The following SYT17 variants were observed in gnomAD, a reference collection of about 807,000 sequenced individuals.
SYT17 encodes the protein synaptotagmin 17, also known as synaptotagmin-17.
Under a neutral mutation model 46.7 loss-of-function variants are expected in SYT17, and 22 were observed. The ratio of observed to expected loss-of-function variants is 0.47; its 90% confidence interval spans 0.34 to 0.67. SYT17 has a LOEUF of 0.67. Ranked by LOEUF, SYT17 falls within the 30% of genes least tolerant of loss-of-function variation. The probability of loss-of-function intolerance (pLI) is 0.01; values close to 1 mark genes in which losing one functional copy is unlikely to be tolerated. For missense variants in SYT17, 519 were observed against 612.8 expected, an observed-to-expected ratio of 0.85 and a Z score of 1.62; for synonymous variants, 251 against 248.4, an observed-to-expected ratio of 1.01 and a Z score of -0.10.
chr16:19,243,585 C>T (rs997371817), intron 7 of SYT17, among the ~76,000 whole-genome samples: 8 of 151,852 alleles, frequency 5.3e-5, no homozygotes, highest in Admixed American at 4.6e-4. Context: ...CTGAGGCTGG[C>T]GGATCACCTG....
chr16:19,215,811 G>C (rs926209467), intron 5 of SYT17, among the ~76,000 whole-genome samples: 3 of 152,212 alleles, frequency 2.0e-5, no homozygotes, highest in Admixed American at 2.0e-4. Context: ...ATTTACAAAA[G>C]AAGGAGTTTT....
intron 7 of SYT17, among the ~76,000 whole-genome samples, chr16:19,235,417 T>C (rs1334607976): frequency 6.6e-6 from 1 of 152,128 alleles, no homozygotes; most frequent in Admixed American, 6.5e-5. Context: ...GAAGGCAGGA[T>C]AGAACTTGTA....
chr16:19,254,441 T>A (rs1368888455), intron 7 of SYT17, among the ~76,000 whole-genome samples: 1 of 152,050 alleles, frequency 6.6e-6, no homozygotes, highest in East Asian at 1.9e-4. Context: ...CCCAAACCAA[T>A]CAACAGAATC....
chr16:19,254,170 G>C (rs1449200490), intron 7 of SYT17, among the ~76,000 whole-genome samples: 3 of 152,128 alleles, frequency 2.0e-5, no homozygotes, highest in Non-Finnish European at 4.4e-5. Context: ...TTCTTTCTGG[G>C]ACCTGCCTGC....
At chr16:19,173,691 G>A in intron 3 of SYT17, 113 bp downstream of exon 3, 1 of 1,218,364 alleles carries the variant, frequency 8.2e-7, no homozygotes, top group Non-Finnish European at 1.1e-6. Flanking sequence ...GGGCATGAAA[G>A]AGAAGCAGGC....
chr16:19,173,292 C>T (rs1289730635), intron 2 of SYT17, 138 bp from the exon 3 acceptor site: 7 of 611,358 alleles, frequency 1.1e-5, no homozygotes, highest in Non-Finnish European at 2.8e-6. Flanking sequence ...AGCAGCAGAG[C>T]CAGAACTCCT....
At chr16:19,231,932 A>G (rs1428091830) in intron 7 of SYT17, among the ~76,000 whole-genome samples, 3 of 152,338 alleles carry the variant, frequency 2.0e-5, no homozygotes, top group African/African-American at 7.2e-5. Context: ...GGAGAGATGC[A>G]GGGCACATTT....
rs185912858 is a variant in SYT17, at chr16:19,201,018, G to T, written c.951+16871G>T. On this transcript the variant is annotated intron_variant, in intron 5 of 7. Coordinates refer to ENST00000355377, the MANE Select transcript of SYT17 (RefSeq NM_016524.4). ...CAGCTCCGACTCCCCACCACCCAGG[G>T]CTCTCTCAATGGTCCCTCAGTGTTC... Among the ~76,000 whole-genome samples, 290 of 152,266 alleles carry T rather than the reference G, an allele frequency of 1.9e-3. 2 individuals carry two copies. Among genetic ancestry groups the T allele is most frequent in the African/African-American group, 6.6e-3 (276 of 41,542 alleles).
At chr16:19,224,141 T>C (rs921457087) in intron 6 of SYT17, among the ~76,000 whole-genome samples, 4 of 152,198 alleles carry the variant, frequency 2.6e-5, no homozygotes, top group African/African-American at 9.7e-5. Flanking sequence ...TTCACCTGTA[T>C]ATGGGCTATG....
intron 5 of SYT17, among the ~76,000 whole-genome samples, chr16:19,191,141 A>C (rs1056525104): frequency 6.6e-6 from 1 of 152,044 alleles, no homozygotes; most frequent in Non-Finnish European, 1.5e-5. Context: ...CAGTATTCCT[A>C]AAGTTTGTGC....
intron 6 of SYT17, among the ~76,000 whole-genome samples, 166 bp downstream of exon 6, chr16:19,223,331 G>A (rs1966390945): frequency 6.6e-6 from 1 of 152,206 alleles, no homozygotes; most frequent in South Asian, 2.1e-4. Flanking sequence ...GGAGTTGACT[G>A]AGACTGGTTG....
At chr16:19,170,833 T>A (rs563323038) in intron 1 of SYT17, 2 of 152,336 alleles carry the variant, frequency 1.3e-5, no homozygotes, top group African/African-American at 4.8e-5. Flanking sequence ...TTTTGCTGTT[T>A]TGTGCCCTGC....
intron 5 of SYT17, among the ~76,000 whole-genome samples, chr16:19,184,562 ATTT>A (rs34467058): frequency 6.9e-6 from 1 of 145,052 alleles, no homozygotes; most frequent in Non-Finnish European, 1.5e-5. Context: ...ATTTTTTTGT[ATTT>A]TTTTTTTTTT....
chr16:19,204,672 C>T (rs1290451462), intron 5 of SYT17, among the ~76,000 whole-genome samples: 1 of 152,050 alleles, frequency 6.6e-6, no homozygotes, highest in Non-Finnish European at 1.5e-5. Context: ...TCAGTATTTC[C>T]GGGGCACTTG....
At chr16:19,192,471 C>G (rs979893895) in intron 5 of SYT17, among the ~76,000 whole-genome samples, 1 of 152,036 alleles carries the variant, frequency 6.6e-6, no homozygotes, top group Non-Finnish European at 1.5e-5. Flanking sequence ...TGCCTAAAAT[C>G]CCAACACTTT....
chr16:19,168,413 C>G lies in SYT17; in HGVS notation c.-234C>G. ...GGCGGGGGCCCTGGGCGCCCGATATCTCCGAACCGGGGAGGCGGCCCCGAT... is the reference window on the plus strand; with the variant it reads ...GGCGGGGGCCCTGGGCGCCCGATATGTCCGAACCGGGGAGGCGGCCCCGAT... On this transcript the variant is annotated 5_prime_UTR_variant, in exon 1 of 8. The change creates a new upstream start codon in the 5' untranslated region. Transcript: ENST00000355377. This position sits in a 1 kb window ranked among gnomAD's most constrained non-coding sequence, Gnocchi z 6.9. 3.4e-6 allele frequency: 2 copies of G among 590,466 alleles called. No homozygotes were observed. The highest frequency in any genetic ancestry group is 5.8e-6 in the Non-Finnish European group (2 of 343,254). The allele number at this position is 590,466 out of a possible 1,614,324, so 36.6% of individuals were successfully genotyped here. A position where few individuals can be genotyped will look rare whatever the true frequency, so the allele number is the denominator to read the frequency against.
At chr16:19,245,157 G>A (rs12102690) in intron 7 of SYT17, among the ~76,000 whole-genome samples, 125 of 152,288 alleles carry the variant, frequency 8.2e-4, no homozygotes, top group African/African-American at 2.7e-3. Context: ...TGGAGAGCCC[G>A]GGTCACCTGC....
chr16:19,207,658 T>C lies in SYT17; in HGVS notation c.952-15387T>C, dbSNP rs116478117. Among the ~76,000 whole-genome samples the C allele has an allele frequency of 4.9e-3, 752 of 152,242 alleles. 6 individuals are homozygous for C. Among genetic ancestry groups the C allele is most frequent in the African/African-American group, 0.017 (695 of 41,534 alleles). On this transcript the variant is annotated intron_variant, in intron 5 of 7. Transcript: ENST00000355377. The stretch of plus-strand genomic sequence containing the variant: ...CTCCCACCAGGCCTCACCTCCAACA[T>C]TGGGGGAAAGTTATGTAAGGTCACT...
At chr16:19,195,781 A>G (rs1965215813) in intron 5 of SYT17, among the ~76,000 whole-genome samples, 1 of 152,100 alleles carries the variant, frequency 6.6e-6, no homozygotes. Flanking sequence ...TCAGGAGTTC[A>G]AGACCAGCCC....
Sources: allele counts gnomAD v4.1 joint callset (sites outside exome capture counted in the v4.1 genomes callset), GRCh38; gene constraint gnomAD v4.1.1; non-coding constraint Gnocchi (gnomAD v3.1); transcripts MANE v1.5; gene names NCBI Gene and HGNC (gene_info 2026-07-23, HGNC 2026-07-21).